Variants in TLN2 observed in about 807,000 individuals in gnomAD.
TLN2 encodes the protein talin-2.
TLN2 carries 118 observed loss-of-function variants against 294.7 expected under a neutral mutation model. That is an observed-to-expected ratio of 0.40 (90% CI 0.34 to 0.47). The LOEUF is 0.47. TLN2 is among the 20% of genes least tolerant of loss of function. The pLI, the probability that TLN2 is intolerant of heterozygous loss-of-function variation, is 0.84. For synonymous variants in TLN2, 1,431 were observed against 1,304.5 expected (o/e 1.10, Z -2.09); for missense variants, 3,083 against 3,282.2 (o/e 0.94, Z 1.48).
rs997496522 is a variant in TLN2, at chr15:62,441,317, G to A, written c.-238+50632G>A. On this transcript the variant is annotated intron_variant, in intron 1 of 58. Transcript: ENST00000636159. The stretch of plus-strand genomic sequence containing the variant: ...CACAATCATAGCTCACTGCAGCCTC[G>A]AACTCCTGGGCTCACGTGATGTCTG... Among the ~76,000 whole-genome samples the A allele has an allele frequency of 3.3e-5, 5 of 152,222 alleles. No individual in the cohort carries two copies. The East Asian group carries it at 5.8e-4, about 18-fold the overall frequency.
At chr15:62,679,701 A>G (rs2056622701) in intron 11 of TLN2, among the ~76,000 whole-genome samples, 1 of 152,208 alleles carries the variant, frequency 6.6e-6, no homozygotes, top group African/African-American at 2.4e-5. Context: ...TTTTAAAAAT[A>G]ACAGTAATAC....
intron 1 of TLN2, among the ~76,000 whole-genome samples, chr15:62,567,724 A>G (rs531703804): frequency 7.2e-5 from 11 of 152,210 alleles, no homozygotes; most frequent in African/African-American, 2.6e-4. Context: ...AATCCCAGCT[A>G]CTTGGGGGTG....
chr15:62,436,350 C>T (rs1240187662), intron 1 of TLN2, among the ~76,000 whole-genome samples: 1 of 152,226 alleles, frequency 6.6e-6, no homozygotes, highest in African/African-American at 2.4e-5. Flanking sequence ...TTGGCAACTG[C>T]AGGGAGTGCT....
intron 2 of TLN2, among the ~76,000 whole-genome samples, chr15:62,612,404 T>C (rs1206277740): frequency 1.3e-5 from 2 of 152,220 alleles, no homozygotes; most frequent in African/African-American, 4.8e-5. Flanking sequence ...TTGGTCCCTA[T>C]TGTACTCTTA....
rs561527140 is a variant in TLN2, at chr15:62,689,051, A to G, written c.1113+2255A>G. ...CATTTTGTAGTTTTTCTGTTTGTCCACTTTATTTCTCTCTCTCTTTTTTTT... is the reference window on the plus strand; with the variant it reads ...CATTTTGTAGTTTTTCTGTTTGTCCGCTTTATTTCTCTCTCTCTTTTTTTT... On this transcript the variant is annotated intron_variant, in intron 12 of 58. Coordinates refer to ENST00000636159, the MANE Select transcript of TLN2 (RefSeq NM_015059.3). Among the ~76,000 whole-genome samples, 18 of 132,788 alleles carry G rather than the reference A, an allele frequency of 1.4e-4. No individual in the cohort carries two copies. In the South Asian group the frequency reaches 3.8e-3, roughly 28 times the overall value. The allele number at this position is 132,788 out of a possible 152,430, so 87.1% of individuals were successfully genotyped here.
At chr15:62,490,364 A>G (rs1231975520) in intron 1 of TLN2, among the ~76,000 whole-genome samples, 1 of 152,150 alleles carries the variant, frequency 6.6e-6, no homozygotes, top group Non-Finnish European at 1.5e-5. Context: ...GGTTATCTCT[A>G]TGTGACTTGG....
chr15:62,518,758 C>T (rs563105844), intron 1 of TLN2, among the ~76,000 whole-genome samples: 34 of 152,014 alleles, frequency 2.2e-4, no homozygotes, highest in African/African-American at 5.5e-4. Flanking sequence ...CCATCACACC[C>T]GGCTAATTTT....
intron 1 of TLN2, among the ~76,000 whole-genome samples, chr15:62,503,083 G>GTGGCACTATGCAATC (rs1257132774): frequency 1.3e-5 from 2 of 150,472 alleles, no homozygotes; most frequent in East Asian, 3.9e-4. Context: ...GCCTATGTTT[G>GTGGCACTATGCAATC]TGTGGCCAGA....
chr15:62,627,986 C>T (rs2049431857), intron 3 of TLN2, among the ~76,000 whole-genome samples: 2 of 152,108 alleles, frequency 1.3e-5, no homozygotes, highest in South Asian at 4.2e-4. Context: ...GAGAAAATTA[C>T]AAAAAGGGCA....
rs1216564633 is a variant in TLN2 at position 62,583,399 on chromosome 15, GTAA to G, written c.-237-6283_-237-6281del. ...AGACTTCTATTGAAAACAATTGGCT[GTAA>G]TAATGTACTGAATATCATAGTTGGT... On this transcript the variant is annotated intron_variant, in intron 1 of 58. Coordinates refer to ENST00000636159, the MANE Select transcript of TLN2 (RefSeq NM_015059.3). Among the ~76,000 whole-genome samples, 3 of 152,142 alleles carry G rather than the reference GTAA, an allele frequency of 2.0e-5. No homozygotes were observed. In the East Asian group the frequency reaches 5.8e-4, roughly 29 times the overall value.
Position 62,656,054 on chromosome 15 carries a change from G to A in TLN2, c.628G>A (p.Asp210Asn), listed in dbSNP as rs1481229700. ...CTCTGATCAGAATGTAGATTCGAGAGACCCCGTGCAGCTGAACTTGCTTTA... is the reference window on the plus strand; with the variant it reads ...CTCTGATCAGAATGTAGATTCGAGAAACCCCGTGCAGCTGAACTTGCTTTA... Reference protein sequence around the residue: ...FYSDQNVDSRDPVQLNLLYVQ... With the variant: ...FYSDQNVDSRNPVQLNLLYVQ... Residue 210 changes from aspartate (D) to asparagine (N), a missense_variant, in exon 8 of 59, where the codon GAC (aspartate) becomes AAC (asparagine). Coordinates refer to ENST00000636159, the MANE Select transcript of TLN2 (RefSeq NM_015059.3). 5.0e-6 allele frequency: 8 copies of A among 1,614,092 alleles called. No individual in the cohort carries two copies. In the African/African-American group the frequency reaches 9.3e-5, roughly 19 times the overall value.
chr15:62,742,580 G>A (rs2061401074), intron 32 of TLN2, among the ~76,000 whole-genome samples: 1 of 152,088 alleles, frequency 6.6e-6, no homozygotes, highest in Non-Finnish European at 1.5e-5. Context: ...TCTGTGAATA[G>A]GTGCAGGCCC....
intron 1 of TLN2, among the ~76,000 whole-genome samples, chr15:62,587,165 G>A (rs2045679375): frequency 6.6e-6 from 1 of 152,226 alleles, no homozygotes; most frequent in African/African-American, 2.4e-5. Flanking sequence ...CCTACTCAGT[G>A]TTCACTAAGA....
chr15:62,533,253 CAA>C (rs10650730), intron 1 of TLN2, among the ~76,000 whole-genome samples: 24 of 51,424 alleles, frequency 4.7e-4, no homozygotes, highest in African/African-American at 1.3e-3. Context: ...GACTCTGTCT[CAA>C]AAAAAAAAAA....
intron 1 of TLN2, among the ~76,000 whole-genome samples, chr15:62,423,029 T>C (rs1343735993): frequency 1.3e-5 from 2 of 152,188 alleles, no homozygotes; most frequent in Admixed American, 1.3e-4. Flanking sequence ...GCAGCTGGCT[T>C]CTCCCAGGGG....
intron 1 of TLN2, among the ~76,000 whole-genome samples, chr15:62,586,132 C>G (rs1245507354): frequency 6.6e-6 from 1 of 152,196 alleles, no homozygotes; most frequent in Non-Finnish European, 1.5e-5. Context: ...AACGTTTTGT[C>G]TCTTAAATCC....
intron 26 of TLN2, among the ~76,000 whole-genome samples, chr15:62,724,549 A>G (rs906680175): frequency 2.0e-4 from 30 of 152,324 alleles, no homozygotes; most frequent in African/African-American, 7.0e-4. Context: ...AAAGAGAAGC[A>G]ATAAAGTTGA....
At chr15:62,610,317 A>G (rs2047819402) in intron 2 of TLN2, among the ~76,000 whole-genome samples, 1 of 152,240 alleles carries the variant, frequency 6.6e-6, no homozygotes, top group Non-Finnish European at 1.5e-5. Flanking sequence ...GGAGAAATAC[A>G]GGCTTGGGTT....
Position 62,703,104 on chromosome 15 carries a change from A to AT in TLN2, c.2004+256dup, listed in dbSNP as rs34852037. 2.7e-3 allele frequency among the ~76,000 whole-genome samples: 377 copies of AT among 140,890 alleles called. 1 individual carries two copies. The highest frequency in any genetic ancestry group is 3.4e-3 in the African/African-American group (131 of 38,292). The allele number at this position is 140,890 out of a possible 152,430, so 92.4% of individuals were successfully genotyped here. A position where few individuals can be genotyped will look rare whatever the true frequency, so the allele number is the denominator to read the frequency against. On this transcript the variant is annotated intron_variant, in intron 19 of 58. Coordinates refer to ENST00000636159, the MANE Select transcript of TLN2 (RefSeq NM_015059.3). ...GTAAAGCACGTATTTAGCTTTCCTG[A>AT]TTTTTTTTTTTTTTTTAAATTAGAG...
Sources: gnomAD v4.1 joint callset for allele counts (sites outside exome capture counted in the v4.1 genomes callset) on GRCh38, gnomAD v4.1.1 for gene constraint, MANE v1.5 for transcripts, NCBI Gene and HGNC (gene_info 2026-07-23, HGNC 2026-07-21) for gene names.